Variants in SCAF8 observed in about 807,000 individuals in gnomAD.
SCAF8 encodes the protein SR-related CTD associated factor 8.
A neutral mutation model predicts 140.5 loss-of-function variants in SCAF8; 23 were observed. The observed-to-expected ratio is 0.16, with a 90% CI of 0.12 to 0.23. The LOEUF is 0.23. Ranked by LOEUF, SCAF8 falls within the 10% of genes least tolerant of loss-of-function variation. The pLI is 1.00. For missense variants in SCAF8, 1,397 were observed against 1,555.7 expected (o/e 0.90, Z 1.72); for synonymous variants, 575 against 528.9 (o/e 1.09, Z -1.20).
At chr6:154,749,087 A>G (rs1249915970) in intron 1 of SCAF8, among the ~76,000 whole-genome samples, 1 of 152,066 alleles carries the variant, frequency 6.6e-6, no homozygotes, top group Non-Finnish European at 1.5e-5. Flanking sequence ...GATTATGGGC[A>G]TGGCGCCACC....
Position 154,812,874 on chromosome 6 carries a change from A to G in SCAF8, c.1420+2666A>G, listed in dbSNP as rs560288204. Among the ~76,000 whole-genome samples, 8 of 152,238 alleles carry G rather than the reference A, an allele frequency of 5.3e-5. No individual in the cohort carries two copies. In the East Asian group the frequency reaches 1.5e-3, roughly 29 times the overall value. On this transcript the variant is annotated intron_variant, in intron 12 of 19. Coordinates refer to ENST00000367178, the MANE Select transcript of SCAF8 (RefSeq NM_014892.5). ...GAACAGAGTTCAGGGAGATTAAGGCAGCTGGAATATGCAGAACCAGTAATA... is the reference window on the plus strand; with the variant it reads ...GAACAGAGTTCAGGGAGATTAAGGCGGCTGGAATATGCAGAACCAGTAATA...
intron 18 of SCAF8, among the ~76,000 whole-genome samples, chr6:154,828,450 C>CT (rs961496132): frequency 3.4e-4 from 50 of 148,880 alleles, no homozygotes; most frequent in Non-Finnish European, 6.1e-4. Flanking sequence ...CCCTCTCTCC[C>CT]TTTTTTTTTT....
In SCAF8 at chr6:154,833,190, C is replaced by G. The variant is rs1465708430; in HGVS notation, c.3611C>G (p.Ser1204Cys). ...TTTGATTATTTTGAAGGGGCCACTTCTCAACGAAAAGGTGATAATGTGCCT... is the reference window on the plus strand; with the variant it reads ...TTTGATTATTTTGAAGGGGCCACTTGTCAACGAAAAGGTGATAATGTGCCT... ...RVFDYFEGATSQRKGDNVPQV... is the reference protein window; with the variant it reads ...RVFDYFEGATCQRKGDNVPQV... The change falls in exon 20 of 20, where the codon TCT becomes TGT. Residue 1204 changes from serine to cysteine, a missense_variant. This residue lies in a region of SCAF8 where 930 missense variants were observed against 874.6 expected (regional missense o/e 1.06). Coordinates refer to ENST00000367178, the MANE Select transcript of SCAF8 (RefSeq NM_014892.5). The G allele has an allele frequency of 1.2e-6, 2 of 1,613,940 alleles. No homozygotes were observed. Among genetic ancestry groups the G allele is most frequent in the Non-Finnish European group, 1.7e-6 (2 of 1,180,002 alleles).
intron 19 of SCAF8, among the ~76,000 whole-genome samples, chr6:154,831,722 A>T (rs1400353166): frequency 1.4e-4 from 20 of 140,236 alleles, no homozygotes; most frequent in African/African-American, 6.1e-4. Context: ...AAAAAAAAAA[A>T]AAAAAAAAAA....
At chr6:154,765,528 A>G (rs552338714) in intron 1 of SCAF8, among the ~76,000 whole-genome samples, 5 of 152,320 alleles carry the variant, frequency 3.3e-5, no homozygotes, top group Non-Finnish European at 5.9e-5. Context: ...TATAGCAGAG[A>G]AGTAGATGTC....
At chr6:154,758,490 G>C (rs189422008) in intron 1 of SCAF8, among the ~76,000 whole-genome samples, 3 of 152,196 alleles carry the variant, frequency 2.0e-5, no homozygotes, top group East Asian at 3.9e-4. Context: ...TGCTTCTTTG[G>C]GTCTGTTTCA....
At chr6:154,810,231 G>C (rs375239420) in intron 12 of SCAF8, 23 bp downstream of exon 12, 1 of 1,502,970 alleles carries the variant, frequency 6.7e-7, no homozygotes. Flanking sequence ...TATCTGCAAC[G>C]CTTTGGTTTC....
chr6:154,752,565 A>G (rs965745510), intron 1 of SCAF8, among the ~76,000 whole-genome samples: 2 of 152,140 alleles, frequency 1.3e-5, no homozygotes, highest in Non-Finnish European at 2.9e-5. Flanking sequence ...TTGCCCTGGA[A>G]AGTATCTTCA....
chr6:154,786,190 C>CG (rs1224750723), intron 3 of SCAF8, among the ~76,000 whole-genome samples: 1 of 151,998 alleles, frequency 6.6e-6, no homozygotes, highest in Non-Finnish European at 1.5e-5. Flanking sequence ...GGTAGGGGCT[C>CG]GGGAAGTGGG....
At chr6:154,795,318 G>A (rs935797812) in intron 6 of SCAF8, among the ~76,000 whole-genome samples, 179 bp downstream of exon 6, 2 of 152,004 alleles carry the variant, frequency 1.3e-5, no homozygotes, top group Non-Finnish European at 2.9e-5. Context: ...ATGCTTTCAT[G>A]TCATTAAAAA....
chr6:154,808,056 T>C lies in SCAF8; in HGVS notation c.982-14T>C, dbSNP rs1417987778. 1 of 1,603,366 alleles carries C rather than the reference T, an allele frequency of 6.2e-7. No individual in the cohort carries two copies. Among genetic ancestry groups the C allele is most frequent in the Non-Finnish European group, 8.5e-7 (1 of 1,176,502 alleles). On this transcript the variant is annotated splice_polypyrimidine_tract_variant and intron_variant, in intron 9 of 19. Transcript: ENST00000367178. The stretch of plus-strand genomic sequence containing the variant: ...ATCTCCCAATCTTTGTGTGTTTGTA[T>C]ATGTTCTCAATAGGCCACTCCTCAG...
intron 1 of SCAF8, 35 bp downstream of exon 1, chr6:154,733,965 C>T (rs775893382): frequency 6.6e-6 from 10 of 1,510,174 alleles, no homozygotes; most frequent in South Asian, 1.3e-5. Context: ...TGCTCCTGCC[C>T]GCACCGCCCC....
chr6:154,805,128 G>T (rs776494482), intron 8 of SCAF8, among the ~76,000 whole-genome samples: 3 of 152,094 alleles, frequency 2.0e-5, no homozygotes, highest in Non-Finnish European at 2.9e-5. Flanking sequence ...GGTAATATCA[G>T]ATCTTCAGCA....
At chr6:154,749,356 A>G (rs1778784630) in intron 1 of SCAF8, among the ~76,000 whole-genome samples, 1 of 152,174 alleles carries the variant, frequency 6.6e-6, no homozygotes, top group Non-Finnish European at 1.5e-5. Flanking sequence ...TAATAGTAAT[A>G]GCATCTGGTG....
chr6:154,745,387 T>A (rs1361072352), intron 1 of SCAF8, among the ~76,000 whole-genome samples: 1 of 151,996 alleles, frequency 6.6e-6, no homozygotes, highest in Non-Finnish European at 1.5e-5. Flanking sequence ...TATTTTTTTT[T>A]AAATAGACAG....
At chr6:154,740,860 C>G (rs868650338) in intron 1 of SCAF8, among the ~76,000 whole-genome samples, 1 of 151,098 alleles carries the variant, frequency 6.6e-6, no homozygotes, top group Admixed American at 6.6e-5. Context: ...CTCAAGAGAC[C>G]TGCCCACCTT....
rs1236052545 is a variant in SCAF8, at chr6:154,789,262, C to G, written c.321+1240C>G. On this transcript the variant is annotated intron_variant, in intron 4 of 19. Coordinates refer to ENST00000367178, the MANE Select transcript of SCAF8 (RefSeq NM_014892.5). The stretch of plus-strand genomic sequence containing the variant: ...TAGCTGGGATTACAGGCGCCCGCCA[C>G]CACACTCGGCTAATTTTTTTTTGTA... Among the ~76,000 whole-genome samples, 5 of 151,878 alleles carry G rather than the reference C, an allele frequency of 3.3e-5. No individual in the cohort carries two copies. The East Asian group carries it at 9.7e-4, about 30-fold the overall frequency.
At chr6:154,786,088 C>T (rs1037111623) in intron 3 of SCAF8, among the ~76,000 whole-genome samples, 4 of 152,112 alleles carry the variant, frequency 2.6e-5, no homozygotes, top group South Asian at 2.1e-4. Context: ...CACGCAAAGC[C>T]GGCTGTGCAG....
At chr6:154,779,940 T>C (rs1777037566) in intron 3 of SCAF8, among the ~76,000 whole-genome samples, 1 of 152,162 alleles carries the variant, frequency 6.6e-6, no homozygotes, top group South Asian at 2.1e-4. Flanking sequence ...AGTAAAATAT[T>C]ACAATCAGGA....
Sources: allele counts gnomAD v4.1 joint callset (sites outside exome capture counted in the v4.1 genomes callset), GRCh38; gene constraint gnomAD v4.1.1; regional missense constraint gnomAD v4.1.1; transcripts MANE v1.5; gene names NCBI Gene and HGNC (gene_info 2026-07-23, HGNC 2026-07-21).